The following AHNAK variants were observed in gnomAD, a reference collection of about 807,000 sequenced individuals.
AHNAK encodes the protein AHNAK nucleoprotein.
AHNAK carries 23 observed loss-of-function variants against 37.8 expected under a neutral mutation model. That is an observed-to-expected ratio of 0.61 (90% CI 0.44 to 0.86). The LOEUF (loss-of-function observed/expected upper bound fraction) is 0.86, where lower values mean the gene tolerates loss of function less well. Ranked by LOEUF, AHNAK falls within the 40% of genes least tolerant of loss-of-function variation. The probability of loss-of-function intolerance (pLI) is 0.00; values close to 1 mark genes in which losing one functional copy is unlikely to be tolerated. For synonymous variants in AHNAK, 2,481 were observed against 2,636.3 expected, an observed-to-expected ratio of 0.94 and a Z score of 1.80; for missense variants, 7,411 against 7,319.4, an observed-to-expected ratio of 1.01 and a Z score of -0.46.
At chr11:62,540,363 G>A (rs532683066) in intron 1 of AHNAK, among the ~76,000 whole-genome samples, 20 of 152,350 alleles carry the variant, frequency 1.3e-4, no homozygotes, top group Non-Finnish European at 2.5e-4. Flanking sequence ...CCCCACTGCC[G>A]AGAGTTTTAT....
rs138026213 is a variant in AHNAK at position 62,498,586 on chromosome 11, C to T, written c.343-6755G>A. Reference sequence around the variant, plus strand: ...GCAGCACGTGAGCAACATAGTGAACCCAGACTCACTCTAAAAAAAAAAAAA... The same window carrying T: ...GCAGCACGTGAGCAACATAGTGAACTCAGACTCACTCTAAAAAAAAAAAAA... On this transcript the variant is annotated intron_variant, in intron 4 of 5. Coordinates refer to the AHNAK transcript ENST00000257247. 5.5e-3 allele frequency among the ~76,000 whole-genome samples: 825 copies of T among 149,220 alleles called. 4 individuals are homozygous for T. The highest frequency in any genetic ancestry group is 0.019 in the African/African-American group (783 of 40,518).
At chr11:62,478,239 G>A (rs1193022422) in intron 5 of AHNAK, among the ~76,000 whole-genome samples, 1 of 152,218 alleles carries the variant, frequency 6.6e-6, no homozygotes, top group Non-Finnish European at 1.5e-5. Flanking sequence ...TTCTCAGCTA[G>A]GGCCCAGGGG....
chr11:62,523,184 T>C lies in AHNAK; in HGVS notation c.11233A>G (p.Ile3745Val). The change falls in exon 5 of 5, where the codon ATA becomes GTA. Residue 3745 changes from isoleucine (I) to valine (V), a missense_variant. Physicochemically the swap from Ile to Val is conservative, Grantham distance 29 (BLOSUM62 3). Coordinates refer to ENST00000378024, the MANE Select transcript of AHNAK (RefSeq NM_001620.3). ...IPEMHLKAPK[I>V]SMPDIDLNLK... The stretch of plus-strand genomic sequence containing the variant: ...TTTAAATCAATGTCAGGCATCGATA[T>C]TTTGGGAGCCTTCAGGTGCATCTCT... 1 of 1,613,550 alleles carries C rather than the reference T, an allele frequency of 6.2e-7. No individual in the cohort carries two copies. Among genetic ancestry groups the C allele is most frequent in the Non-Finnish European group, 8.5e-7 (1 of 1,179,918 alleles).
At chr11:62,515,832 A>C, downstream of AHNAK, 1 of 1,040,274 alleles carries the variant, frequency 9.6e-7, no homozygotes, top group Admixed American at 4.6e-5. Flanking sequence ...CGGTCTGAAC[A>C]CTCACAGCTG....
Position 62,523,770 on chromosome 11 carries a change from G to A in AHNAK, c.10647C>T (p.Asp3549=), listed in dbSNP as rs374879044. 1.9e-6 allele frequency: 3 copies of A among 1,613,734 alleles called. No individual in the cohort carries two copies. Among genetic ancestry groups the A allele is most frequent in the African/African-American group, 2.7e-5 (2 of 74,798 alleles). The change falls in exon 5 of 5, where the codon GAC becomes GAT. Residue 3549 remains aspartate, a synonymous_variant. Coordinates refer to ENST00000378024, the MANE Select transcript of AHNAK (RefSeq NM_001620.3). ...TCACCTTGGGGCCTTTCAAGTTTAA[G>A]TCAATGTCAGGCATGGAGATCTTGG... is the stretch of plus-strand genomic sequence containing the variant. ...KAPKISMPDI[D]LNLKGPKVKG...
chr11:62,456,796 C>T (rs562010918), intron 5 of AHNAK, among the ~76,000 whole-genome samples: 18 of 152,298 alleles, frequency 1.2e-4, no homozygotes, highest in African/African-American at 3.1e-4. Context: ...CCACCGCCTA[C>T]GGCTGAGTCT....
At chr11:62,446,649 A>G (rs937355914) in intron 5 of AHNAK, among the ~76,000 whole-genome samples, 1 of 152,054 alleles carries the variant, frequency 6.6e-6, no homozygotes, top group African/African-American at 2.4e-5. Flanking sequence ...CTGGCCGGGC[A>G]TCTTCATGTT....
chr11:62,435,490 AG>A (rs1938147057), intron 5 of AHNAK, among the ~76,000 whole-genome samples: 1 of 151,862 alleles, frequency 6.6e-6, no homozygotes, highest in Non-Finnish European at 1.5e-5. Flanking sequence ...GGCTCACTGC[AG>A]GCTCCGCCCC....
intron 4 of AHNAK, among the ~76,000 whole-genome samples, chr11:62,495,093 G>A (rs975291405): frequency 6.6e-6 from 1 of 151,944 alleles, no homozygotes; most frequent in African/African-American, 2.4e-5. Context: ...CTGATCTCAG[G>A]GAAGTCAAGG....
chr11:62,469,798 T>C (rs1481731414), intron 5 of AHNAK, among the ~76,000 whole-genome samples: 2 of 152,076 alleles, frequency 1.3e-5, no homozygotes, highest in Non-Finnish European at 2.9e-5. Context: ...TGACCAGATA[T>C]AGCAATAGGT....
Position 62,522,781 on chromosome 11 carries a change from T to A in AHNAK, c.11636A>T (p.Asp3879Val). The change falls in exon 5 of 5, where the codon GAT (aspartate) becomes GTT (valine). Residue 3879 changes from aspartate (D) to valine (V), a missense_variant. Asp to Val is a radical substitution (Grantham distance 152). Transcript: ENST00000378024. ...KAPKISMPDI[D>V]LNLKGPKVKG... The stretch of plus-strand genomic sequence containing the variant: ...CACTTTGGGTCCTTTCAGGTTAAGA[T>A]CAATGTCAGGCATGGAGATCTTGGG... The A allele has an allele frequency of 6.2e-7, 1 of 1,613,886 alleles. No homozygotes were observed. Among genetic ancestry groups the A allele is most frequent in the Non-Finnish European group, 8.5e-7 (1 of 1,179,990 alleles).
Position 62,438,330 on chromosome 11 carries a change from C to T in AHNAK, c.443-4439G>A, listed in dbSNP as rs1440207142. 2.6e-5 allele frequency among the ~76,000 whole-genome samples: 4 copies of T among 151,858 alleles called. No homozygotes were observed. The East Asian group carries it at 7.8e-4, about 29-fold the overall frequency. ...CCCGAGTAGCTGGGATTACAGGTGC[C>T]TGCCACCACGTCCAGCTAATTTTTG... is the stretch of plus-strand genomic sequence containing the variant. On this transcript the variant is annotated intron_variant, in intron 5 of 5. Transcript: ENST00000257247.
chr11:62,526,905 T>G lies in AHNAK; in HGVS notation c.7512A>C (p.Pro2504=), dbSNP rs189737544. The change falls in exon 5 of 5, where the codon CCA becomes CCC. Residue 2504 remains proline, a synonymous_variant. Coordinates refer to ENST00000378024, the MANE Select transcript of AHNAK (RefSeq NM_001620.3). The part of the protein sequence containing the change: ...VDVNAPDVQA[P]DWHLKMPKMK... ...TCTTGGGCATCTTCAGGTGCCAGTC[T>G]GGAGCTTGGACATCGGGGGCATTTA... The G allele has an allele frequency of 1.6e-4, 256 of 1,614,236 alleles. No individual in the cohort carries two copies. Among genetic ancestry groups the G allele is most frequent in the Middle Eastern group, 1.2e-3 (7 of 6,062 alleles).
chr11:62,504,173 A>G (rs575603723), intron 4 of AHNAK, among the ~76,000 whole-genome samples: 1 of 152,066 alleles, frequency 6.6e-6, no homozygotes, highest in East Asian at 1.9e-4. Context: ...AAACAGAAAG[A>G]GAGAGAGAGA....
chr11:62,441,404 T>G (rs1050335627), intron 5 of AHNAK, among the ~76,000 whole-genome samples: 1 of 152,102 alleles, frequency 6.6e-6, no homozygotes, highest in Admixed American at 6.6e-5. Context: ...GCCCAGGAAG[T>G]AGAGGCTGCA....
rs1218778868 is a variant in AHNAK at position 62,533,006 on chromosome 11, G to A, written c.1411C>T (p.Leu471=). The A allele has an allele frequency of 2.5e-6, 4 of 1,614,096 alleles. No homozygotes were observed. The highest frequency in any genetic ancestry group is 3.4e-6 in the Non-Finnish European group (4 of 1,180,020). Residue 471 remains leucine (L), a synonymous_variant, in exon 5 of 5, where the codon CTG becomes TTG. Coordinates refer to ENST00000378024, the MANE Select transcript of AHNAK (RefSeq NM_001620.3). Reference sequence around the variant, plus strand: ...AGCCCACCAGTAGCAATCTCAGGCAGGCTGACATCCCCAGAGACCCCAGGA... The same window carrying A: ...AGCCCACCAGTAGCAATCTCAGGCAAGCTGACATCCCCAGAGACCCCAGGA... ...TVPGVSGDVS[L]PEIATGGLEG...
At chr11:62,471,241 C>T (rs563030724) in intron 5 of AHNAK, among the ~76,000 whole-genome samples, 1 of 152,262 alleles carries the variant, frequency 6.6e-6, no homozygotes, top group South Asian at 2.1e-4. Context: ...GGAGGCCGTC[C>T]TGTATGTTGC....
rs747193628 is a variant in AHNAK at position 62,520,360 on chromosome 11, G to A, written c.14057C>T (p.Pro4686Leu). The A allele has an allele frequency of 6.2e-7, 1 of 1,612,076 alleles. No individual in the cohort carries two copies. Among genetic ancestry groups the A allele is most frequent in the South Asian group, 1.1e-5 (1 of 90,982 alleles). Residue 4686 changes from proline to leucine, a missense_variant, in exon 5 of 5, where the codon CCC becomes CTC. Physicochemically the swap from Pro to Leu is moderately conservative, Grantham distance 98. Coordinates refer to ENST00000378024, the MANE Select transcript of AHNAK (RefSeq NM_001620.3). ...ATCAGGAACATCAACGTCCACTTTG[G>A]GTCCTGAGACATCAATGTCAGCCTT... ...LPKADIDVSG[P>L]KVDVDVPDVN...
intron 5 of AHNAK, among the ~76,000 whole-genome samples, chr11:62,480,803 TAAAAAA>T (rs1172126377): frequency 1.6e-4 from 7 of 44,492 alleles, no homozygotes; most frequent in Admixed American, 6.0e-4. Context: ...TGCGTGCAGT[TAAAAAA>T]AAAAAAAAAA....
Sources: gnomAD v4.1 joint callset for allele counts (sites outside exome capture counted in the v4.1 genomes callset) on GRCh38, gnomAD v4.1.1 for gene constraint, MANE v1.5 for transcripts, NCBI Gene and HGNC (gene_info 2026-07-23, HGNC 2026-07-21) for gene names.